MTMR12: variants seen among roughly 807,000 people sequenced by gnomAD.
The protein encoded by MTMR12 is myotubularin-related protein 12.
MTMR12 carries 33 observed loss-of-function variants against 96.7 expected under a neutral mutation model. The observed-to-expected ratio is 0.34, with a 90% CI of 0.26 to 0.46. The LOEUF (loss-of-function observed/expected upper bound fraction) is 0.46. MTMR12 is among the 20% of genes least tolerant of loss of function. The pLI is 1.00. For synonymous variants in MTMR12, 298 were observed against 327.2 expected, an observed-to-expected ratio of 0.91 and a Z score of 0.96; for missense variants, 721 against 896.1, an observed-to-expected ratio of 0.80 and a Z score of 2.49.
In MTMR12 at chr5:32,230,103, G is replaced by T; in HGVS notation, c.1919C>A (p.Ala640Asp). Residue 640 changes from alanine to aspartate, a missense_variant, in exon 16 of 16, where the codon GCC (alanine) becomes GAC (aspartate). Physicochemically the swap from Ala to Asp is moderately radical, Grantham distance 126 (BLOSUM62 -2). Coordinates refer to ENST00000382142, the MANE Select transcript of MTMR12 (RefSeq NM_001040446.3). Reference sequence around the variant, plus strand: ...TGGAATCCAACGTAGGTAGCGCTGGGCCCAGACTTTGATTTCGGGCCCCTC... The same window carrying T: ...TGGAATCCAACGTAGGTAGCGCTGGTCCCAGACTTTGATTTCGGGCCCCTC... ...HIEGPEIKVW[A>D]QRYLRWIPEA... The T allele has an allele frequency of 6.2e-7, 1 of 1,612,618 alleles. No individual in the cohort carries two copies. The highest frequency in any genetic ancestry group is 8.5e-7 in the Non-Finnish European group (1 of 1,178,912).
intron 1 of MTMR12, among the ~76,000 whole-genome samples, chr5:32,301,224 A>G (rs1405790392): frequency 6.6e-6 from 1 of 152,190 alleles, no homozygotes; most frequent in African/African-American, 2.4e-5. Flanking sequence ...TTGGGCATCA[A>G]AGGAGAAGGC....
At chr5:32,251,379 A>G (rs1748918205) in intron 8 of MTMR12, among the ~76,000 whole-genome samples, 1 of 152,186 alleles carries the variant, frequency 6.6e-6, no homozygotes, top group African/African-American at 2.4e-5. Context: ...AGGCAGCATA[A>G]GCAGGAAAGG....
At chr5:32,272,160 G>GA (rs1427392952) in intron 3 of MTMR12, among the ~76,000 whole-genome samples, 1 of 151,918 alleles carries the variant, frequency 6.6e-6, no homozygotes, top group African/African-American at 2.4e-5. Flanking sequence ...GCTTGGTGGT[G>GA]GGCGCCTGTA....
At chr5:32,240,960 C>T (rs569137159) in intron 12 of MTMR12, among the ~76,000 whole-genome samples, 1 of 152,222 alleles carries the variant, frequency 6.6e-6, no homozygotes, top group African/African-American at 2.4e-5. Flanking sequence ...AATGATACTC[C>T]TGTGGGTAAT....
intron 7 of MTMR12, among the ~76,000 whole-genome samples, chr5:32,258,133 A>T (rs1749215068): frequency 6.6e-6 from 1 of 152,142 alleles, no homozygotes; most frequent in Non-Finnish European, 1.5e-5. Flanking sequence ...TCTCAAAAAA[A>T]AAAATGCAAA....
At chr5:32,257,568 A>T (rs1215439531) in intron 7 of MTMR12, among the ~76,000 whole-genome samples, 2 of 152,256 alleles carry the variant, frequency 1.3e-5, no homozygotes, top group East Asian at 3.9e-4. Context: ...GAGGAGTTTG[A>T]GACCAGTCTG....
At position 32,230,340 on chromosome 5, in the gene MTMR12, C is replaced by T. The variant is rs1561731944; in HGVS notation, c.1682G>A (p.Arg561Gln). ...TTGTGTAAGTGGCAAAGAAAGTTGT[C>T]GTTGATGCTTTGAGAGAAAACACAA... ...QRKGMRFKHQ[R>Q]QLSLPLTQSK... The change falls in exon 16 of 16, where the codon CGA (arginine) becomes CAA (glutamine). Residue 561 changes from arginine to glutamine, a missense_variant. Arg to Gln is a conservative substitution (Grantham distance 43). Transcript: ENST00000382142. 5.6e-6 allele frequency: 9 copies of T among 1,600,740 alleles called. No individual in the cohort carries two copies. Among genetic ancestry groups the T allele is most frequent in the South Asian group, 1.1e-5 (1 of 88,738 alleles).
At chr5:32,267,128 T>C (rs1456949829) in intron 6 of MTMR12, among the ~76,000 whole-genome samples, 2 of 145,924 alleles carry the variant, frequency 1.4e-5, no homozygotes, top group Admixed American at 6.9e-5. Flanking sequence ...TGTAATCCCA[T>C]CACTTTGGGA....
At chr5:32,298,279 C>T (rs896823488) in intron 1 of MTMR12, among the ~76,000 whole-genome samples, 2 of 152,132 alleles carry the variant, frequency 1.3e-5, no homozygotes, top group African/African-American at 4.8e-5. Flanking sequence ...AGACGGATCA[C>T]CACAGAGGGC....
rs145389255 is a variant in MTMR12, at chr5:32,248,081, C to T, written c.942G>A (p.Thr314=). Residue 314 remains threonine, a synonymous_variant, in exon 10 of 16, where the codon ACG becomes ACA. Coordinates refer to ENST00000382142, the MANE Select transcript of MTMR12 (RefSeq NM_001040446.3). ...IHRPPYEIVK[T]EDLSSNFLSL... is the part of the protein sequence containing the mutation. ...ACAGGAAGTTGCTTGACAGGTCTTC[C>T]GTTTTAACAATTTCATAGGGTGGCC... is the stretch of plus-strand genomic sequence containing the variant. 2.7e-5 allele frequency: 43 copies of T among 1,613,778 alleles called. No individual in the cohort carries two copies. Among genetic ancestry groups the T allele is most frequent in the African/African-American group, 2.0e-4 (15 of 74,906 alleles).
intron 6 of MTMR12, among the ~76,000 whole-genome samples, chr5:32,266,518 T>A (rs938755578): frequency 6.6e-6 from 1 of 151,632 alleles, no homozygotes; most frequent in Admixed American, 6.6e-5. Flanking sequence ...TGAAACCCTG[T>A]CTCTACCAAA....
In MTMR12 at chr5:32,227,627, C is replaced by T. The variant is rs11552199; in HGVS notation, c.*2151G>A. ...GAAGAGGCTACTGTATAAATATTCACGTTATAACGTGGTAACAAAAATAGC... is the reference window on the plus strand; with the variant it reads ...GAAGAGGCTACTGTATAAATATTCATGTTATAACGTGGTAACAAAAATAGC... On this transcript the variant is annotated 3_prime_UTR_variant, in exon 16 of 16. Transcript: ENST00000382142. 2,331 of 152,632 alleles carry T rather than the reference C, an allele frequency of 0.015. 69 individuals carry two copies. The highest frequency in any genetic ancestry group is 0.019 in the Non-Finnish European group (1,293 of 68,024). The allele number at this position is 152,632 out of a possible 1,614,324, so 9.5% of individuals were successfully genotyped here. A position where few individuals can be genotyped will look rare whatever the true frequency, so the allele number is the denominator to read the frequency against.
At chr5:32,245,542 T>TGGGC (rs1748645611) in intron 10 of MTMR12, among the ~76,000 whole-genome samples, 5 of 152,084 alleles carry the variant, frequency 3.3e-5, no homozygotes, top group Non-Finnish European at 5.9e-5. Context: ...TAAAACACTC[T>TGGGC]TATGGCTGGG....
At chr5:32,251,626 G>A (rs1420439505) in intron 8 of MTMR12, among the ~76,000 whole-genome samples, 1 of 152,216 alleles carries the variant, frequency 6.6e-6, no homozygotes, top group Non-Finnish European at 1.5e-5. Flanking sequence ...TGGCAGTACA[G>A]GAAGAACAAG....
At chr5:32,290,794 G>A (rs867156794) in intron 1 of MTMR12, among the ~76,000 whole-genome samples, 26 of 152,170 alleles carry the variant, frequency 1.7e-4, no homozygotes, top group Admixed American at 8.5e-4. Context: ...CACAGTGGAG[G>A]CCTCCAGGAT....
At chr5:32,276,836 C>A in intron 1 of MTMR12, 94 bp from the exon 2 acceptor site, 3 of 622,094 alleles carry the variant, frequency 4.8e-6, no homozygotes, top group Admixed American at 5.5e-5. Context: ...TAAAATATCA[C>A]ATACCCTCAG....
chr5:32,287,950 G>C (rs1040070243), intron 1 of MTMR12, among the ~76,000 whole-genome samples: 9 of 152,080 alleles, frequency 5.9e-5, no homozygotes, highest in African/African-American at 2.2e-4. Context: ...CGAACTCAGG[G>C]ATTCTACCTC....
Position 32,242,085 on chromosome 5 carries a change from T to C in MTMR12, c.1143A>G (p.Glu381=). Residue 381 remains glutamate (E), a synonymous_variant, in exon 12 of 16, where the codon GAA becomes GAG. Coordinates refer to ENST00000382142, the MANE Select transcript of MTMR12 (RefSeq NM_001040446.3). ...AAAGAAGAACATTCATGTTTTGTGC[T>C]TCCATACATTCTGTAATCTCTATTG... ...KKAIEITECM[E]AQNMNVLLLE... is the part of the protein sequence containing the mutation. 6.2e-7 allele frequency: 1 copy of C among 1,613,114 alleles called. No individual in the cohort carries two copies. Among genetic ancestry groups the C allele is most frequent in the South Asian group, 1.1e-5 (1 of 91,022 alleles).
At chr5:32,236,655 T>C (rs753898110) in intron 13 of MTMR12, among the ~76,000 whole-genome samples, 1 of 151,944 alleles carries the variant, frequency 6.6e-6, no homozygotes, top group Admixed American at 6.6e-5. Context: ...CTGACCAACA[T>C]GGTGAAACCC....
Sources: allele counts gnomAD v4.1 joint callset (sites outside exome capture counted in the v4.1 genomes callset), GRCh38; gene constraint gnomAD v4.1.1; transcripts MANE v1.5; gene names NCBI Gene and HGNC (gene_info 2026-07-23, HGNC 2026-07-21).